The following ABCA7 variants were observed in gnomAD, a reference collection of about 807,000 sequenced individuals.
ABCA7 encodes the protein phospholipid-transporting ATPase ABCA7.
Under a neutral mutation model 227.6 loss-of-function variants are expected in ABCA7, and 261 were observed. The ratio of observed to expected loss-of-function variants is 1.15; its 90% confidence interval spans 1.04 to 1.27. The LOEUF is 1.27. Among genes scored for constraint, ABCA7 ranks in the 50% most tolerant of loss-of-function variants. The pLI is 0.00. For synonymous variants in ABCA7, 1,488 were observed against 1,279.7 expected (o/e 1.16, Z -3.47); for missense variants, 3,331 against 2,924.5 (o/e 1.14, Z -3.21).
At position 1,044,524 on chromosome 19, in the gene ABCA7, G is replaced by T; in HGVS notation, c.1048-53G>T. ...CGCCTCCCAAAGTGCTGGGATTACAGGCATGAGCCACTGTGCCCGACCCAG... is the reference window on the plus strand; with the variant it reads ...CGCCTCCCAAAGTGCTGGGATTACATGCATGAGCCACTGTGCCCGACCCAG... On this transcript the variant is annotated intron_variant, in intron 10 of 46. Transcript: ENST00000263094. The T allele has an allele frequency of 2.5e-6, 4 of 1,574,820 alleles. 1 individual carries two copies. The highest frequency in any genetic ancestry group is 2.3e-5 in the South Asian group (2 of 86,512).
chr19:1,059,248 A>ATTATTAAT (rs1555698716), intron 40 of ABCA7, 163 bp downstream of exon 40: 1 of 177,742 alleles, frequency 5.6e-6, no homozygotes, highest in Non-Finnish European at 1.1e-5. Context: ...TTATTATATT[A>ATTATTAAT]TTATTTATTT....
In ABCA7 at chr19:1,056,624, G is replaced by T; in HGVS notation, c.4586+125G>T. The stretch of plus-strand genomic sequence containing the variant: ...ACTCTTGCTTTATAAATGGGGGATA[G>T]AAACTGTTCCTCTGCTCCCTAAGCC... On this transcript the variant is annotated intron_variant, in intron 33 of 46. Coordinates refer to ENST00000263094, the MANE Select transcript of ABCA7 (RefSeq NM_019112.4). The surrounding 1 kb of genome is among the most constrained non-coding windows in gnomAD (Gnocchi z 4.3). 1 of 1,297,328 alleles carries T rather than the reference G, an allele frequency of 7.7e-7. No individual in the cohort carries two copies. Among genetic ancestry groups the T allele is most frequent in the South Asian group, 1.4e-5 (1 of 70,884 alleles). 80.4% of individuals were successfully genotyped at this position (1,297,328 alleles called of 1,614,324 possible). A position where few individuals can be genotyped will look rare whatever the true frequency, so the allele number is the denominator to read the frequency against.
rs148580487 is a variant in ABCA7, at chr19:1,041,872, C to G, written c.202C>G (p.Pro68Ala). ...NKPLPSAGTVPWLQGLICNVN... is the reference protein window; with the variant it reads ...NKPLPSAGTVAWLQGLICNVN... The stretch of plus-strand genomic sequence containing the variant: ...GCCACTGCCATCGGCGGGCACCGTG[C>G]CCTGGCTCCAGGGTCTCATCTGTAA... The change falls in exon 4 of 47, where the codon CCC becomes GCC. Residue 68 changes from proline to alanine, a missense_variant. Transcript: ENST00000263094. 1.8e-4 allele frequency: 286 copies of G among 1,598,064 alleles called. 3 individuals carry two copies. In the Middle Eastern group the frequency reaches 2.3e-3, roughly 13 times the overall value.
intron 37 of ABCA7, 98 bp downstream of exon 37, chr19:1,058,367 G>GGGAGACAGCCAGGGTTC: frequency 6.6e-7 from 1 of 1,520,558 alleles, no homozygotes; most frequent in Non-Finnish European, 8.8e-7. Context: ...CAGCCCCCCA[G>GGGAGACAGCCAGGGTTC]GGAGACAGCC....
At position 1,057,051 on chromosome 19, in the gene ABCA7, C is replaced by A; in HGVS notation, c.4731C>A (p.Thr1577=). ...HLQLMGGLSP[T]LYWLGNFLWD... ...AGCTCATGGGGGGCCTGTCCCCCAC[C>A]CTCTACTGGCTTGGCAACTTTCTCT... Residue 1577 remains threonine (T), a synonymous_variant, in exon 34 of 47, where the codon ACC becomes ACA. Transcript: ENST00000263094. 1 of 1,613,624 alleles carries A rather than the reference C, an allele frequency of 6.2e-7. No individual in the cohort carries two copies. The highest frequency in any genetic ancestry group is 1.1e-5 in the South Asian group (1 of 91,082).
intron 6 of ABCA7, 170 bp downstream of exon 6, chr19:1,042,567 C>A: frequency 9.8e-7 from 1 of 1,021,532 alleles, no homozygotes; most frequent in South Asian, 1.3e-5. Flanking sequence ...GTGTGTCTGA[C>A]CCAGTGAGGA....
chr19:1,042,421 G>A (rs1159378507), intron 6 of ABCA7, 24 bp downstream of exon 6: 2 of 1,610,164 alleles, frequency 1.2e-6, no homozygotes, highest in South Asian at 1.1e-5. Context: ...GCGGGACCGC[G>A]CTGACTTCCT....
chr19:1,041,495 C>T lies in ABCA7; in HGVS notation c.67-15C>T, dbSNP rs747399157. 1.9e-6 allele frequency: 3 copies of T among 1,613,732 alleles called. No homozygotes were observed. The highest frequency in any genetic ancestry group is 2.2e-5 in the South Asian group (2 of 91,090). On this transcript the variant is annotated splice_polypyrimidine_tract_variant and intron_variant, in intron 2 of 46. Transcript: ENST00000263094. Reference sequence around the variant, plus strand: ...CCCCACTGTCCCCCACCGTCTCCCACCTATTCTCCCCCAGGTCCAGCTCCT... The same window carrying T: ...CCCCACTGTCCCCCACCGTCTCCCATCTATTCTCCCCCAGGTCCAGCTCCT...
chr19:1,061,580 C>T (rs2042658428), intron 40 of ABCA7, among the ~76,000 whole-genome samples: 1 of 150,966 alleles, frequency 6.6e-6, no homozygotes, highest in African/African-American at 2.4e-5. Flanking sequence ...GCGTCTGTAG[C>T]CCCAGCTACT....
Position 1,064,267 on chromosome 19 carries a change from G to T in ABCA7, c.6044+14G>T. On this transcript the variant is annotated intron_variant, in intron 45 of 46. Transcript: ENST00000263094. ...TCTCAAGGGCAGGTGAGCCGGCGCG[G>T]CCTCCAGGCAGGTGTGGGGTGAGGG... The T allele has an allele frequency of 6.5e-7, 1 of 1,547,980 alleles. No homozygotes were observed.
intron 40 of ABCA7, among the ~76,000 whole-genome samples, chr19:1,061,529 T>C (rs2042655152): frequency 7.6e-6 from 1 of 131,838 alleles, no homozygotes; most frequent in Admixed American, 7.8e-5. Context: ...ACCCCATCTC[T>C]ACTAAAAAAA....
At chr19:1,044,555 C>CA (rs770575782) in intron 10 of ABCA7, 22 bp from the exon 11 acceptor site, 71 of 1,603,806 alleles carry the variant, frequency 4.4e-5, no homozygotes, top group Non-Finnish European at 5.5e-5. Flanking sequence ...CCCAGACTCT[C>CA]ACTTTCACCT....
At chr19:1,046,169 G>A (rs2040630197) in intron 12 of ABCA7, 61 bp from the exon 13 acceptor site, 1 of 1,576,698 alleles carries the variant, frequency 6.3e-7, no homozygotes, top group South Asian at 1.1e-5. Flanking sequence ...AGGTTATTCA[G>A]GGTGGGGCCC....
At position 1,063,669 on chromosome 19, in the gene ABCA7, G is replaced by A. The variant is rs753900971; in HGVS notation, c.5838G>A (p.Val1946=). 2 of 1,600,640 alleles carry A rather than the reference G, an allele frequency of 1.2e-6. No individual in the cohort carries two copies. The highest frequency in any genetic ancestry group is 1.7e-6 in the Non-Finnish European group (2 of 1,175,008). ...TGGCGCTGGTTGGGGACCCAGCCGT[G>A]GTGTTTCTGGTGCGTGGGAGCGGTG... is the stretch of plus-strand genomic sequence containing the variant. ...TALALVGDPA[V]VFLDEPTTGM... The change falls in exon 43 of 47, where the codon GTG becomes GTA. Residue 1946 remains valine (V), a synonymous_variant. Transcript: ENST00000263094.
At position 1,047,304 on chromosome 19, in the gene ABCA7, T is replaced by G; in HGVS notation, c.1993T>G (p.Phe665Val). ...TGCGGCCTGCGGCGGCCTGGCCTAC[T>G]TCTCCCTCTACCTGCCCTACGTGCT... The part of the protein sequence containing the change: ...LAAACGGLAY[F>V]SLYLPYVLCV... The change falls in exon 15 of 47, where the codon TTC (phenylalanine) becomes GTC (valine). Residue 665 changes from phenylalanine to valine, a missense_variant. Phe to Val is a conservative substitution (Grantham distance 50, BLOSUM62 -1). Transcript: ENST00000263094. The G allele has an allele frequency of 6.2e-7, 1 of 1,604,502 alleles. No homozygotes were observed. The highest frequency in any genetic ancestry group is 1.1e-5 in the South Asian group (1 of 90,806).
intron 16 of ABCA7, among the ~76,000 whole-genome samples, chr19:1,048,034 A>AGCTGGGCGTGGTGGCAC (rs779650018): frequency 4.0e-5 from 6 of 151,808 alleles, no homozygotes; most frequent in Non-Finnish European, 8.8e-5. Flanking sequence ...ACAAAAAGTT[A>AGCTGGGCGTGGTGGCAC]GCTGGGCGTG....
Position 1,048,979 on chromosome 19 carries a change from C to G in ABCA7, c.2354C>G (p.Pro785Arg), listed in dbSNP as rs1448536466. ...CGPRPPKSPA[P>R]CPTPLDPKVL... ...CCTCGGCCCCCCAAGAGTCCAGCCC[C>G]TTGCCCCACCCCGCTGGACCCAAAG... The change falls in exon 17 of 47, where the codon CCT becomes CGT. Residue 785 changes from proline to arginine, a missense_variant. Coordinates refer to ENST00000263094, the MANE Select transcript of ABCA7 (RefSeq NM_019112.4). The G allele has an allele frequency of 1.2e-6, 2 of 1,603,354 alleles. No individual in the cohort carries two copies. Among genetic ancestry groups the G allele is most frequent in the African/African-American group, 2.7e-5 (2 of 74,508 alleles).
Position 1,049,017 on chromosome 19 carries a change from C to A in ABCA7, c.2380+12C>A, listed in dbSNP as rs753623259. 1.4e-5 allele frequency: 21 copies of A among 1,502,724 alleles called. No homozygotes were observed. The highest frequency in any genetic ancestry group is 1.7e-5 in the Non-Finnish European group (19 of 1,105,232). 93.1% of individuals were successfully genotyped at this position (1,502,724 alleles called of 1,614,324 possible). A position where few individuals can be genotyped will look rare whatever the true frequency, so the allele number is the denominator to read the frequency against. On this transcript the variant is annotated intron_variant, in intron 17 of 46. Coordinates refer to ENST00000263094, the MANE Select transcript of ABCA7 (RefSeq NM_019112.4). ...GCTGGACCCAAAGGGTGAGGCACTACGAGGCTTAATAGCTGGTTGTCCACA... is the reference window on the plus strand; with the variant it reads ...GCTGGACCCAAAGGGTGAGGCACTAAGAGGCTTAATAGCTGGTTGTCCACA...
rs184520515 is a variant in ABCA7 at position 1,061,649 on chromosome 19, A to G, written c.5464-133A>G. The G allele has an allele frequency of 5.1e-6, 4 of 785,160 alleles. No individual in the cohort carries two copies. The East Asian group carries it at 1.2e-4, about 23-fold the overall frequency. The allele number at this position is 785,160 out of a possible 1,614,324, so 48.6% of individuals were successfully genotyped here. ...GGGAGGCAGAGGTTGCAGTGAGCCA[A>G]GATCGCACCACTGCAGTCCAGCCTG... is the stretch of plus-strand genomic sequence containing the variant. On this transcript the variant is annotated intron_variant, in intron 40 of 46. Transcript: ENST00000263094.
Sources: allele counts gnomAD v4.1 joint callset (sites outside exome capture counted in the v4.1 genomes callset), GRCh38; gene constraint gnomAD v4.1.1; non-coding constraint Gnocchi (gnomAD v3.1); transcripts MANE v1.5; gene names NCBI Gene and HGNC (gene_info 2026-07-23, HGNC 2026-07-21).